IL1RAP: variants seen among roughly 807,000 people sequenced by gnomAD.
IL1RAP encodes interleukin-1 receptor accessory protein.
In IL1RAP, 35 loss-of-function variants were observed where a neutral mutation model predicts 60.7. The ratio of observed to expected loss-of-function variants is 0.58; its 90% confidence interval spans 0.44 to 0.76. IL1RAP has a LOEUF of 0.76. IL1RAP is among the 30% of genes least tolerant of loss of function. The pLI is 0.00. For missense variants in IL1RAP, 572 were observed against 693.9 expected (o/e 0.82, Z 1.97); for synonymous variants, 268 against 250.9 (o/e 1.07, Z -0.64).
At chr3:190,572,150 G>T (rs777046383) in intron 3 of IL1RAP, among the ~76,000 whole-genome samples, 6 of 152,108 alleles carry the variant, frequency 3.9e-5, no homozygotes, top group Non-Finnish European at 8.8e-5. Context: ...TAACCTGAAT[G>T]CCCTATCCTT....
At chr3:190,522,326 CT>C (rs58993848) in intron 1 of IL1RAP, among the ~76,000 whole-genome samples, 65 of 146,848 alleles carry the variant, frequency 4.4e-4, no homozygotes, top group African/African-American at 1.6e-3. Flanking sequence ...TCCTTCCTTC[CT>C]TCCTTCCTTC....
chr3:190,537,661 T>TAA lies in IL1RAP; in HGVS notation c.-88-18469_-88-18468insAA, dbSNP rs879836331. Among the ~76,000 whole-genome samples the TAA allele has an allele frequency of 2.6e-3, 398 of 152,304 alleles. 1 individual carries two copies. Among genetic ancestry groups the TAA allele is most frequent in the Non-Finnish European group, 4.3e-3 (290 of 68,018 alleles). On this transcript the variant is annotated intron_variant, in intron 1 of 11. Transcript: ENST00000447382. The stretch of plus-strand genomic sequence containing the variant: ...TTATATTGAAGACTAATAATGAGCA[T>TAA]TTAGTAATACATATCAAAATGTAGA...
At chr3:190,654,590 A>G (rs1248715026), downstream of IL1RAP, among the ~76,000 whole-genome samples, 1 of 152,196 alleles carries the variant, frequency 6.6e-6, no homozygotes, top group Admixed American at 6.5e-5. Context: ...AATTCATGTT[A>G]AATCCACTGA....
At chr3:190,560,777 C>T (rs562793672) in intron 2 of IL1RAP, among the ~76,000 whole-genome samples, 6 of 152,222 alleles carry the variant, frequency 3.9e-5, no homozygotes, top group Admixed American at 1.3e-4. Context: ...AGAATGCAGA[C>T]GATAAAAAGT....
intron 3 of IL1RAP, among the ~76,000 whole-genome samples, chr3:190,597,407 C>G (rs943649118): frequency 2.6e-5 from 4 of 152,190 alleles, no homozygotes; most frequent in African/African-American, 9.7e-5. Flanking sequence ...ATTTTTCACT[C>G]ATGTCACAGC....
chr3:190,561,986 T>C (rs547461798), intron 2 of IL1RAP, among the ~76,000 whole-genome samples: 6 of 152,304 alleles, frequency 3.9e-5, no homozygotes, highest in African/African-American at 1.4e-4. Flanking sequence ...TGACTCCCTA[T>C]TTGCTCTTTA....
chr3:190,595,328 C>T (rs568597318), intron 3 of IL1RAP, among the ~76,000 whole-genome samples: 68 of 152,316 alleles, frequency 4.5e-4, no homozygotes, highest in African/African-American at 1.0e-3. Flanking sequence ...TAATGCTATA[C>T]GCCTTCTCCA....
intron 3 of IL1RAP, among the ~76,000 whole-genome samples, chr3:190,581,088 C>T (rs1430390902): frequency 6.6e-6 from 1 of 152,110 alleles, no homozygotes; most frequent in Non-Finnish European, 1.5e-5. Context: ...AAGTGGCATT[C>T]GAGTGTTTCC....
intron 3 of IL1RAP, among the ~76,000 whole-genome samples, chr3:190,601,204 C>G (rs189667543): frequency 1.3e-5 from 2 of 152,068 alleles, no homozygotes; most frequent in African/African-American, 4.8e-5. Context: ...AGGCTGGTCT[C>G]GAACTCCTGA....
chr3:190,534,491 AGGACCTTG>A (rs1331684313), intron 1 of IL1RAP, among the ~76,000 whole-genome samples: 4 of 152,204 alleles, frequency 2.6e-5, no homozygotes, highest in Non-Finnish European at 4.4e-5. Flanking sequence ...TGCTGCCTAT[AGGACCTTG>A]GGCCGAGATT....
At position 190,632,992 on chromosome 3, in the gene IL1RAP, A is replaced by C. The variant is rs532496354; in HGVS notation, c.1051+3494A>C. ...ACTTTATCCTGGTTAACATAGTTTT[A>C]AAATTTAAAGTAAGTCATGAAATCA... On this transcript the variant is annotated intron_variant, in intron 9 of 11. Coordinates refer to ENST00000447382, the MANE Select transcript of IL1RAP (RefSeq NM_002182.4). Among the ~76,000 whole-genome samples, 14 of 152,314 alleles carry C rather than the reference A, an allele frequency of 9.2e-5. No homozygotes were observed. In the South Asian group the frequency reaches 1.7e-3, roughly 18 times the overall value.
chr3:190,615,661 G>T (rs1731204682), intron 5 of IL1RAP, among the ~76,000 whole-genome samples: 1 of 152,068 alleles, frequency 6.6e-6, no homozygotes, highest in South Asian at 2.1e-4. Context: ...CACAAAGCTA[G>T]TTTTCCTTGT....
chr3:190,529,803 GA>G (rs1439404592), intron 1 of IL1RAP, among the ~76,000 whole-genome samples: 103 of 147,368 alleles, frequency 7.0e-4, no homozygotes, highest in African/African-American at 2.5e-3. Context: ...GCAGTGAGCC[GA>G]AGATCACAGC....
At chr3:190,557,162 C>T (rs563153808) in intron 2 of IL1RAP, among the ~76,000 whole-genome samples, 2 of 152,272 alleles carry the variant, frequency 1.3e-5, no homozygotes, top group South Asian at 4.1e-4. Flanking sequence ...ATATTCCTCA[C>T]CTCTTCTCTC....
intron 1 of IL1RAP, among the ~76,000 whole-genome samples, chr3:190,534,085 A>G (rs927162259): frequency 2.6e-5 from 4 of 152,010 alleles, no homozygotes; most frequent in African/African-American, 9.7e-5. Context: ...TGAAGGAAAG[A>G]GTGTTGCAAT....
At chr3:190,579,349 C>T (rs1335568522) in intron 3 of IL1RAP, among the ~76,000 whole-genome samples, 2 of 152,120 alleles carry the variant, frequency 1.3e-5, no homozygotes, top group Admixed American at 1.3e-4. Context: ...TGATATCATA[C>T]AGTATTTACA....
chr3:190,533,393 G>A (rs944026264), intron 1 of IL1RAP, among the ~76,000 whole-genome samples: 1 of 152,142 alleles, frequency 6.6e-6, no homozygotes, highest in African/African-American at 2.4e-5. Flanking sequence ...AGGCCTTTCC[G>A]GCCTTGAGAT....
chr3:190,628,518 C>G (rs904605503), intron 8 of IL1RAP, among the ~76,000 whole-genome samples: 9 of 152,186 alleles, frequency 5.9e-5, no homozygotes, highest in African/African-American at 2.2e-4. Flanking sequence ...AGATGGCAGT[C>G]AGCTGTAGCA....
chr3:190,623,603 T>G (rs1731967129), intron 7 of IL1RAP, among the ~76,000 whole-genome samples, 188 bp downstream of exon 7: 1 of 152,232 alleles, frequency 6.6e-6, no homozygotes, highest in Admixed American at 6.5e-5. Flanking sequence ...AACTCTAGAA[T>G]TTTTTGCTTC....
Sources: allele counts gnomAD v4.1 joint callset (sites outside exome capture counted in the v4.1 genomes callset), GRCh38; gene constraint gnomAD v4.1.1; transcripts MANE v1.5; gene names NCBI Gene and HGNC (gene_info 2026-07-23, HGNC 2026-07-21).